Variants in RHOU observed in about 807,000 individuals in gnomAD.
RHOU encodes the protein ras homolog family member U, also known as rho-related GTP-binding protein RhoU.
In RHOU, 8 loss-of-function variants were observed where a neutral mutation model predicts 12.6. That is an observed-to-expected ratio of 0.64 (90% CI 0.37 to 1.15). RHOU has a LOEUF of 1.15. Ranked by LOEUF, RHOU falls within the 50% of genes most tolerant of loss-of-function variation. The pLI is 0.01. For missense variants in RHOU, 258 were observed against 347.0 expected (o/e 0.74, Z 2.04); for synonymous variants, 161 against 147.4 (o/e 1.09, Z -0.67).
At position 228,744,762 on chromosome 1, in the gene RHOU, C is replaced by G. The variant is rs1006470716; in HGVS notation, c.*1022C>G. 6.6e-6 allele frequency: 1 copy of G among 152,194 alleles called. No individual in the cohort carries two copies. The highest frequency in any genetic ancestry group is 1.5e-5 in the Non-Finnish European group (1 of 68,028). The allele number at this position is 152,194 out of a possible 1,614,324, so 9.4% of individuals were successfully genotyped here. A position where few individuals can be genotyped will look rare whatever the true frequency, so the allele number is the denominator to read the frequency against. ...GTGTGCACACCCATGCACACTCATG[C>G]ACACAGATACATAGGTCTGTATGGC... On this transcript the variant is annotated 3_prime_UTR_variant, in exon 3 of 3. Coordinates refer to ENST00000366691, the MANE Select transcript of RHOU (RefSeq NM_021205.6).
the RHOU span, among the ~76,000 whole-genome samples, chr1:228,680,061 C>T: frequency 3.9e-5 from 6 of 152,088 alleles, no homozygotes; most frequent in African/African-American, 1.4e-4. Flanking sequence ...TAATCCACAA[C>T]AGTTATGGAG....
At chr1:228,657,104 T>C in the RHOU span, among the ~76,000 whole-genome samples, 1 of 151,476 alleles carries the variant, frequency 6.6e-6, no homozygotes, top group East Asian at 1.9e-4. Flanking sequence ...GATGAAACCC[T>C]GTCTCTACTA....
chr1:228,672,104 T>C, the RHOU span, among the ~76,000 whole-genome samples: 90 of 152,374 alleles, frequency 5.9e-4, no homozygotes, highest in African/African-American at 1.9e-3. Flanking sequence ...CAAACATTCT[T>C]CTAGAAAACA....
the RHOU span, among the ~76,000 whole-genome samples, chr1:228,678,474 C>A: frequency 6.6e-6 from 1 of 152,108 alleles, no homozygotes; most frequent in Non-Finnish European, 1.5e-5. Flanking sequence ...TTGCCCTGAG[C>A]GATGGGATGT....
At chr1:228,729,052 C>T in the RHOU span, among the ~76,000 whole-genome samples, 7 of 152,050 alleles carry the variant, frequency 4.6e-5, no homozygotes, top group Non-Finnish European at 5.9e-5. Flanking sequence ...TGCACCACCA[C>T]GCTGGGCTAA....
the RHOU span, among the ~76,000 whole-genome samples, chr1:228,665,362 C>G: frequency 6.6e-6 from 1 of 152,190 alleles, no homozygotes; most frequent in African/African-American, 2.4e-5. Context: ...CACTGTCAGG[C>G]TTGAGTCCAC....
At chr1:228,730,863 A>G (rs1382869971), upstream of RHOU, among the ~76,000 whole-genome samples, 5 of 152,244 alleles carry the variant, frequency 3.3e-5, no homozygotes, top group Non-Finnish European at 7.3e-5. Flanking sequence ...TATCAATAGC[A>G]GGAAAAACAG....
chr1:228,737,749 G>C lies in RHOU; in HGVS notation c.321+18G>C. The C allele has an allele frequency of 6.2e-7, 1 of 1,613,400 alleles. No individual in the cohort carries two copies. The highest frequency in any genetic ancestry group is 1.7e-5 in the Admixed American group (1 of 60,030). ...CCGGACAGGTCAGTATCACGTTACA[G>C]CTCAGTGCTGGGAAAGGAAACAGCC... On this transcript the variant is annotated intron_variant, in intron 2 of 2. Coordinates refer to ENST00000366691, the MANE Select transcript of RHOU (RefSeq NM_021205.6). This position sits in a 1 kb window ranked among gnomAD's most constrained non-coding sequence, Gnocchi z 4.1.
chr1:228,713,992 A>G, the RHOU span, among the ~76,000 whole-genome samples: 1 of 152,234 alleles, frequency 6.6e-6, no homozygotes, highest in East Asian at 1.9e-4. Context: ...GAGGAAGACC[A>G]GTTTGAGTTT....
the RHOU span, among the ~76,000 whole-genome samples, chr1:228,647,299 C>G: frequency 6.6e-6 from 1 of 152,308 alleles, no homozygotes; most frequent in Non-Finnish European, 1.5e-5. Context: ...CCTCACTGTG[C>G]TCTTGGTGCG....
intron 2 of RHOU, among the ~76,000 whole-genome samples, chr1:228,740,823 A>C (rs1425197609): frequency 6.6e-6 from 1 of 152,218 alleles, no homozygotes; most frequent in Non-Finnish European, 1.5e-5. Flanking sequence ...GGATGGCTCT[A>C]CATGCTGAAG....
chr1:228,695,162 G>A, the RHOU span, among the ~76,000 whole-genome samples: 1 of 152,042 alleles, frequency 6.6e-6, no homozygotes. Flanking sequence ...TAGAGATGGG[G>A]TTTTGGTATG....
the RHOU span, among the ~76,000 whole-genome samples, chr1:228,715,824 TGTG>T: frequency 9.5e-6 from 1 of 105,068 alleles, no homozygotes; most frequent in Non-Finnish European, 1.9e-5. Context: ...ATTTTATAAT[TGTG>T]GTGGATTTTT....
chr1:228,740,368 G>A (rs920624793), intron 2 of RHOU, among the ~76,000 whole-genome samples: 1 of 152,068 alleles, frequency 6.6e-6, no homozygotes, highest in Non-Finnish European at 1.5e-5. Flanking sequence ...TAATGAATAA[G>A]ACCACTATCT....
rs1662667852 is a variant in RHOU, at chr1:228,738,984, A to T, written c.321+1253A>T. On this transcript the variant is annotated intron_variant, in intron 2 of 2. Coordinates refer to ENST00000366691, the MANE Select transcript of RHOU (RefSeq NM_021205.6). The surrounding 1 kb of genome is among the most constrained non-coding windows in gnomAD (Gnocchi z 4.2). ...AAAAAAATTAGCCTGGTGTGGTGGC[A>T]CTGTCTGTAGTCCCAGCCACCAGCC... is the stretch of plus-strand genomic sequence containing the variant. 6.6e-6 allele frequency among the ~76,000 whole-genome samples: 1 copy of T among 151,938 alleles called. No homozygotes were observed. The highest frequency in any genetic ancestry group is 1.5e-5 in the Non-Finnish European group (1 of 67,988).
chr1:228,656,476 A>C, the RHOU span, among the ~76,000 whole-genome samples: 1 of 152,234 alleles, frequency 6.6e-6, no homozygotes, highest in Non-Finnish European at 1.5e-5. Flanking sequence ...ACTAGTGCAT[A>C]AGAAACAATT....
the RHOU span, among the ~76,000 whole-genome samples, chr1:228,667,893 C>T: frequency 2.6e-5 from 4 of 152,248 alleles, no homozygotes; most frequent in African/African-American, 9.6e-5. Context: ...AGGTTCCTGG[C>T]ACAGAGCTTC....
the RHOU span, among the ~76,000 whole-genome samples, chr1:228,723,887 C>T: frequency 6.6e-6 from 1 of 152,148 alleles, no homozygotes; most frequent in African/African-American, 2.4e-5. Flanking sequence ...GCTTCTCCAA[C>T]ACGGAGACAG....
At chr1:228,660,750 A>G in the RHOU span, among the ~76,000 whole-genome samples, 1 of 151,818 alleles carries the variant, frequency 6.6e-6, no homozygotes, top group Non-Finnish European at 1.5e-5. Context: ...CCTAACCAAC[A>G]TGGAGAAACC....
Sources: gnomAD v4.1 joint callset for allele counts (sites outside exome capture counted in the v4.1 genomes callset) on GRCh38, gnomAD v4.1.1 for gene constraint, Gnocchi (gnomAD v3.1) non-coding constraint, MANE v1.5 for transcripts, NCBI Gene and HGNC (gene_info 2026-07-23, HGNC 2026-07-21) for gene names.